Variants in FGGY observed in about 807,000 individuals in gnomAD.
FGGY encodes FGGY carbohydrate kinase domain containing.
Under a neutral mutation model 71.3 loss-of-function variants are expected in FGGY, and 72 were observed. The ratio of observed to expected loss-of-function variants is 1.01; its 90% CI spans 0.84 to 1.23. FGGY has a LOEUF of 1.23. FGGY is among the 50% of genes most tolerant of loss of function. The pLI, the probability that FGGY is intolerant of heterozygous loss-of-function variation, is 0.00. For missense variants in FGGY, 668 were observed against 682.3 expected (o/e 0.98, Z 0.23); for synonymous variants, 251 against 250.3 (o/e 1.00, Z -0.02).
rs934775699 is a variant in FGGY, at chr1:59,721,711, C to T, written c.1513-36220C>T. 3.3e-5 allele frequency among the ~76,000 whole-genome samples: 5 copies of T among 151,582 alleles called. No homozygotes were observed. In the East Asian group the frequency reaches 5.8e-4, roughly 17 times the overall value. ...ACATCTTACATTAGTATGGTGCGTT[C>T]GTTACAATTAATGAACCAGTATTGA... On this transcript the variant is annotated intron_variant, in intron 14 of 15. Transcript: ENST00000303721.
At chr1:59,668,345 C>T (rs556618948) in intron 13 of FGGY, among the ~76,000 whole-genome samples, 1 of 152,180 alleles carries the variant, frequency 6.6e-6, no homozygotes, top group Non-Finnish European at 1.5e-5. Flanking sequence ...GGCCAGGTAC[C>T]ACCAGGGCAG....
chr1:59,445,450 G>A (rs1441379147), intron 5 of FGGY, among the ~76,000 whole-genome samples: 2 of 152,146 alleles, frequency 1.3e-5, no homozygotes, highest in South Asian at 2.1e-4. Flanking sequence ...GTTCCTGTGA[G>A]CTCTGAATGT....
Position 59,582,540 on chromosome 1 carries a change from C to T in FGGY, c.904-25263C>T, listed in dbSNP as rs147267733. Among the ~76,000 whole-genome samples, 422 of 149,748 alleles carry T rather than the reference C, an allele frequency of 2.8e-3. 12 individuals carry two copies. The highest frequency in any genetic ancestry group is 0.027 in the South Asian group (125 of 4,694). ...CACACTCTATTCTCTGCTTCCTGTC[C>T]CTCTGCCTATAGCACCCTTCCCTCT... On this transcript the variant is annotated intron_variant, in intron 8 of 15. Transcript: ENST00000303721.
In FGGY at chr1:59,624,798, G is replaced by C. The variant is rs185450419; in HGVS notation, c.1012-1190G>C. On this transcript the variant is annotated intron_variant, in intron 9 of 15. Transcript: ENST00000303721. The stretch of plus-strand genomic sequence containing the variant: ...GCCCATGATTCAGTTGTTTCCCACT[G>C]GGTCCCTCCCACAACATGTGAGATT... Among the ~76,000 whole-genome samples, 537 of 152,210 alleles carry C rather than the reference G, an allele frequency of 3.5e-3. 5 individuals carry two copies. Among genetic ancestry groups the C allele is most frequent in the Admixed American group, 6.1e-3 (94 of 15,294 alleles).
At chr1:59,522,377 T>A (rs1363154537) in intron 7 of FGGY, among the ~76,000 whole-genome samples, 2 of 152,180 alleles carry the variant, frequency 1.3e-5, no homozygotes, top group Admixed American at 6.5e-5. Context: ...CTGCTTAATA[T>A]CCTTCTGGAC....
chr1:59,581,115 A>G (rs1452898273), intron 8 of FGGY, among the ~76,000 whole-genome samples: 2 of 150,960 alleles, frequency 1.3e-5, no homozygotes, highest in African/African-American at 5.0e-5. Flanking sequence ...CAGTCATCTT[A>G]GTGCTGCACC....
chr1:59,521,155 G>C (rs1181757269), intron 7 of FGGY, among the ~76,000 whole-genome samples: 1 of 152,216 alleles, frequency 6.6e-6, no homozygotes, highest in African/African-American at 2.4e-5. Flanking sequence ...GTGAATCACA[G>C]AGGGCAGAGG....
At chr1:59,661,173 A>T (rs567801511) in intron 12 of FGGY, among the ~76,000 whole-genome samples, 48 of 152,340 alleles carry the variant, frequency 3.2e-4, no homozygotes, top group Non-Finnish European at 6.8e-4. Flanking sequence ...TACATATATG[A>T]TATTCAATTA....
chr1:59,747,744 C>T (rs2098212367), intron 14 of FGGY, among the ~76,000 whole-genome samples: 2 of 152,180 alleles, frequency 1.3e-5, no homozygotes, highest in Admixed American at 6.5e-5. Flanking sequence ...ATCCACCTTC[C>T]TGCCTTTGTA....
intron 14 of FGGY, among the ~76,000 whole-genome samples, chr1:59,738,911 G>A (rs150455004): frequency 9.9e-5 from 15 of 152,258 alleles, no homozygotes; most frequent in East Asian, 3.9e-4. Context: ...TCCCAGCTTC[G>A]TAGCTCTGAT....
intron 5 of FGGY, among the ~76,000 whole-genome samples, chr1:59,411,607 T>C (rs1301773828): frequency 6.6e-6 from 1 of 152,242 alleles, no homozygotes; most frequent in Non-Finnish European, 1.5e-5. Flanking sequence ...TAATTCTTTC[T>C]ATATTTATTA....
At chr1:59,558,719 G>C (rs1328633597) in intron 8 of FGGY, among the ~76,000 whole-genome samples, 2 of 152,078 alleles carry the variant, frequency 1.3e-5, no homozygotes, top group African/African-American at 4.8e-5. Flanking sequence ...AAATTTACCA[G>C]GGTGGGTTTT....
At chr1:59,666,726 A>G (rs1426600544) in intron 12 of FGGY, among the ~76,000 whole-genome samples, 2 of 152,238 alleles carry the variant, frequency 1.3e-5, no homozygotes, top group Non-Finnish European at 2.9e-5. Flanking sequence ...TTCAGGCAAT[A>G]GCAGCGGTAA....
rs374154879 is a variant in FGGY at position 59,758,052 on chromosome 1, G to A, written c.1574+60G>A. On this transcript the variant is annotated intron_variant, in intron 15 of 15. Transcript: ENST00000303721. Reference sequence around the variant, plus strand: ...GAAGTGAGCACATACACACACACATGCAACTATAGATCTGGAATAAACTCA... The same window carrying A: ...GAAGTGAGCACATACACACACACATACAACTATAGATCTGGAATAAACTCA... 18 of 1,157,674 alleles carry A rather than the reference G, an allele frequency of 1.6e-5. No individual in the cohort carries two copies. In the African/African-American group the frequency reaches 2.0e-4, roughly 13 times the overall value. The allele number at this position is 1,157,674 out of a possible 1,614,324, so 71.7% of individuals were successfully genotyped here. A position where few individuals can be genotyped will look rare whatever the true frequency, so the allele number is the denominator to read the frequency against.
intron 5 of FGGY, among the ~76,000 whole-genome samples, chr1:59,454,660 A>G (rs1557977587): frequency 6.6e-6 from 1 of 152,132 alleles, no homozygotes; most frequent in Non-Finnish European, 1.5e-5. Flanking sequence ...CCACCAGATT[A>G]TGTCAGGTTC....
intron 6 of FGGY, among the ~76,000 whole-genome samples, chr1:59,485,630 G>C (rs1318784404): frequency 6.6e-6 from 1 of 152,156 alleles, no homozygotes; most frequent in South Asian, 2.1e-4. Flanking sequence ...TTGTAGATTT[G>C]TAGCTACACT....
At chr1:59,516,972 AG>A (rs750738989) in intron 7 of FGGY, among the ~76,000 whole-genome samples, 1 of 152,146 alleles carries the variant, frequency 6.6e-6, no homozygotes, top group Non-Finnish European at 1.5e-5. Context: ...CTGGAAAAAG[AG>A]GAGGAAGGGC....
intron 8 of FGGY, among the ~76,000 whole-genome samples, chr1:59,564,523 C>T (rs1238070901): frequency 6.6e-6 from 1 of 152,212 alleles, no homozygotes; most frequent in African/African-American, 2.4e-5. Flanking sequence ...CCATGAGGCA[C>T]TGCACAGTGT....
intron 14 of FGGY, among the ~76,000 whole-genome samples, chr1:59,726,774 T>C (rs2097953109): frequency 1.3e-5 from 2 of 152,216 alleles, no homozygotes; most frequent in African/African-American, 4.8e-5. Context: ...GTCAGTTTTA[T>C]TGCTCTTTCT....
Sources: allele counts gnomAD v4.1 joint callset (sites outside exome capture counted in the v4.1 genomes callset), GRCh38; gene constraint gnomAD v4.1.1; transcripts MANE v1.5; gene names NCBI Gene and HGNC (gene_info 2026-07-23, HGNC 2026-07-21).